Variants in FRMD8 observed in about 807,000 individuals in gnomAD.
FRMD8 encodes the protein FERM domain containing 8.
In FRMD8, 37 loss-of-function variants were observed where a neutral mutation model predicts 54.2. The observed-to-expected ratio is 0.68, with a 90% confidence interval of 0.53 to 0.90. The LOEUF (loss-of-function observed/expected upper bound fraction) is 0.90, where lower values mean the gene tolerates loss of function less well. FRMD8 is among the 40% of genes least tolerant of loss of function. The pLI, the probability that FRMD8 is intolerant of heterozygous loss-of-function variation, is 0.00. For synonymous variants in FRMD8, 246 were observed against 286.9 expected, an observed-to-expected ratio of 0.86 and a Z score of 1.44; for missense variants, 585 against 653.7, an observed-to-expected ratio of 0.89 and a Z score of 1.15.
chr11:65,407,909 T>C (rs1856240146), intron 10 of FRMD8, among the ~76,000 whole-genome samples: 1 of 145,438 alleles, frequency 6.9e-6, no homozygotes, highest in South Asian at 2.2e-4. Flanking sequence ...AGGAAATGAG[T>C]AACAGGACAG....
chr11:65,405,124 C>CG (rs529113287), intron 10 of FRMD8, 56 bp downstream of exon 10: 56 of 1,535,356 alleles, frequency 3.6e-5, no homozygotes, highest in Admixed American at 2.0e-4. Context: ...GTGCACACAC[C>CG]GGGGGGAGTT....
Position 65,404,628 on chromosome 11 carries a change from AAT to A in FRMD8, c.1072-235_1072-234del, listed in dbSNP as rs1856151454. 6.6e-6 allele frequency among the ~76,000 whole-genome samples: 1 copy of A among 151,440 alleles called. No homozygotes were observed. Among genetic ancestry groups the A allele is most frequent in the South Asian group, 2.1e-4 (1 of 4,788 alleles). On this transcript the variant is annotated intron_variant, in intron 9 of 10. Coordinates refer to ENST00000317568, the MANE Select transcript of FRMD8 (RefSeq NM_031904.5). This position sits in a 1 kb window ranked among gnomAD's most constrained non-coding sequence, Gnocchi z 4.7. ...TTCCTGGGCTGTGCCTTCTGACCAG[AAT>A]GTTCTTTCTTTCCCACCTGAACTCC...
chr11:65,370,726 T>A, the FRMD8 span, among the ~76,000 whole-genome samples: 1 of 151,188 alleles, frequency 6.6e-6, no homozygotes, highest in East Asian at 1.9e-4. Context: ...AAAGTACATG[T>A]TCAGATCTGA....
intron 6 of FRMD8, 58 bp downstream of exon 6, chr11:65,394,483 T>A: frequency 6.6e-7 from 1 of 1,522,070 alleles, no homozygotes; most frequent in Non-Finnish European, 8.8e-7. Flanking sequence ...GTCCTTGGAA[T>A]GGAACTTACA....
chr11:65,397,724 T>C (rs568966834), intron 7 of FRMD8, among the ~76,000 whole-genome samples: 6 of 152,250 alleles, frequency 3.9e-5, no homozygotes, highest in African/African-American at 1.2e-4. Flanking sequence ...TTTTTGTTTT[T>C]GTTTTGAGAC....
At chr11:65,382,785 G>A (rs992422788), upstream of FRMD8, 1 of 152,372 alleles carries the variant, frequency 6.6e-6, no homozygotes, top group Admixed American at 6.5e-5. The surrounding 1 kb of genome is among the most constrained non-coding windows in gnomAD (Gnocchi z 4.4). Flanking sequence ...TCAGCCTTCT[G>A]TCTCCAGGCC....
chr11:65,381,514 C>T, the FRMD8 span: 1 of 198,912 alleles, frequency 5.0e-6, no homozygotes, highest in South Asian at 7.6e-5. Context: ...CTACCTCAGC[C>T]TCGCAAAGTG....
the FRMD8 span, chr11:65,376,885 C>T: frequency 1.7e-5 from 28 of 1,614,080 alleles, no homozygotes; most frequent in South Asian, 2.0e-4. Flanking sequence ...AGATCCCCAC[C>T]GTGGGGGTGT....
At chr11:65,377,211 C>G in the FRMD8 span, 2 of 1,444,790 alleles carry the variant, frequency 1.4e-6, no homozygotes, top group Admixed American at 5.6e-5. Context: ...CACCCAGCCT[C>G]TCACGTGCAT....
chr11:65,379,773 C>T, the FRMD8 span: 1 of 1,524,776 alleles, frequency 6.6e-7, no homozygotes, highest in Non-Finnish European at 9.0e-7. Context: ...TTCTCTCCTC[C>T]AGGAGCAGAA....
At chr11:65,379,577 G>A in the FRMD8 span, 1 of 1,596,186 alleles carries the variant, frequency 6.3e-7, no homozygotes, top group East Asian at 2.2e-5. Context: ...GAGAGACACA[G>A]TGGCAGCGGA....
At chr11:65,402,353 CAAA>C (rs879926518) in intron 9 of FRMD8, among the ~76,000 whole-genome samples, 3 of 119,124 alleles carry the variant, frequency 2.5e-5, no homozygotes, top group African/African-American at 3.1e-5. Context: ...GACTCTGTCT[CAAA>C]AAAAAAAAAA....
At chr11:65,368,279 T>C in the FRMD8 span, among the ~76,000 whole-genome samples, 13 of 152,046 alleles carry the variant, frequency 8.6e-5, no homozygotes, top group Admixed American at 2.0e-4. Flanking sequence ...TTTCACTCTG[T>C]TGGCCGGGCT....
At chr11:65,397,052 C>A in intron 7 of FRMD8, 32 bp downstream of exon 7, 1 of 1,234,764 alleles carries the variant, frequency 8.1e-7, no homozygotes, top group Non-Finnish European at 1.1e-6. Context: ...TCCCCCACCC[C>A]CTCCGCAGGC....
Position 65,400,962 on chromosome 11 carries a change from G to A in FRMD8, c.1071+95G>A. On this transcript the variant is annotated intron_variant, in intron 9 of 10. Transcript: ENST00000317568. The surrounding 1 kb of genome is among the most constrained non-coding windows in gnomAD (Gnocchi z 4.3). ...AGGCACCAGGCTGGCGGGCAAGGAGGTGAGAAGCTGCCTTGGGCCTGAGGA... is the reference window on the plus strand; with the variant it reads ...AGGCACCAGGCTGGCGGGCAAGGAGATGAGAAGCTGCCTTGGGCCTGAGGA... 7.3e-7 allele frequency: 1 copy of A among 1,371,688 alleles called. No homozygotes were observed. Among genetic ancestry groups the A allele is most frequent in the South Asian group, 1.4e-5 (1 of 69,256 alleles). 85.0% of individuals were successfully genotyped at this position (1,371,688 alleles called of 1,614,324 possible).
intron 10 of FRMD8, among the ~76,000 whole-genome samples, chr11:65,410,662 C>T (rs1321805883): frequency 1.3e-5 from 2 of 152,230 alleles, no homozygotes; most frequent in East Asian, 1.9e-4. Flanking sequence ...CCGTGGCGGG[C>T]GCCTGTAGTC....
upstream of FRMD8, chr11:65,382,016 T>C: frequency 7.3e-7 from 1 of 1,364,066 alleles, no homozygotes; most frequent in South Asian, 1.2e-5. The surrounding 1 kb of genome is among the most constrained non-coding windows in gnomAD (Gnocchi z 4.4). Flanking sequence ...CCCCTCTCCC[T>C]CCCCTGGCCC....
intron 6 of FRMD8, 85 bp downstream of exon 6, chr11:65,394,510 G>T: frequency 2.0e-6 from 3 of 1,465,804 alleles, no homozygotes; most frequent in Non-Finnish European, 2.7e-6. Flanking sequence ...CTTCAGTCTC[G>T]CAAGGTGGGG....
chr11:65,407,791 G>A (rs1282327049), intron 10 of FRMD8, among the ~76,000 whole-genome samples: 1 of 151,598 alleles, frequency 6.6e-6, no homozygotes, highest in African/African-American at 2.4e-5. Flanking sequence ...CAGCTACTCG[G>A]GAGAATGGCG....
Sources: allele counts gnomAD v4.1 joint callset (sites outside exome capture counted in the v4.1 genomes callset), GRCh38; gene constraint gnomAD v4.1.1; non-coding constraint Gnocchi (gnomAD v3.1); transcripts MANE v1.5; gene names NCBI Gene and HGNC (gene_info 2026-07-23, HGNC 2026-07-21).